Variants in UNC5D observed in about 807,000 individuals in gnomAD.
The protein encoded by UNC5D is unc-5 netrin receptor D.
UNC5D carries 39 observed loss-of-function variants against 105.4 expected under a neutral mutation model. That is an observed-to-expected ratio of 0.37 (90% CI 0.29 to 0.48). The LOEUF (loss-of-function observed/expected upper bound fraction) is 0.48. Ranked by LOEUF, UNC5D falls within the 20% of genes least tolerant of loss-of-function variation. UNC5D has a pLI of 0.98. For missense variants in UNC5D, 991 were observed against 1,202.4 expected, an observed-to-expected ratio of 0.82 and a Z score of 2.60; for synonymous variants, 452 against 450.4, an observed-to-expected ratio of 1.00 and a Z score of -0.04.
chr8:35,437,074 A>G (rs1283342181), intron 1 of UNC5D, among the ~76,000 whole-genome samples: 2 of 151,914 alleles, frequency 1.3e-5, no homozygotes, highest in East Asian at 3.9e-4. Context: ...CACTGGGCAT[A>G]AGAAATTTCC....
chr8:35,372,040 C>T (rs1585690960), intron 1 of UNC5D, among the ~76,000 whole-genome samples: 1 of 152,142 alleles, frequency 6.6e-6, no homozygotes, highest in Non-Finnish European at 1.5e-5. Flanking sequence ...CTGTACTTTT[C>T]CCCCTCACCC....
intron 1 of UNC5D, among the ~76,000 whole-genome samples, chr8:35,335,237 G>C (rs557111558): frequency 1.4e-4 from 21 of 152,138 alleles, no homozygotes; most frequent in Non-Finnish European, 2.5e-4. Flanking sequence ...ATAAAACTAT[G>C]ATTCTTCATG....
chr8:35,471,187 T>C (rs1809695398), intron 1 of UNC5D, among the ~76,000 whole-genome samples: 1 of 152,164 alleles, frequency 6.6e-6, no homozygotes, highest in South Asian at 2.1e-4. Flanking sequence ...TGACAGAAAC[T>C]GTTTAGCCAC....
intron 1 of UNC5D, among the ~76,000 whole-genome samples, chr8:35,313,630 C>CT: frequency 6.6e-6 from 1 of 152,280 alleles, no homozygotes; most frequent in Middle Eastern, 3.4e-3. Flanking sequence ...TCAGTTGTCT[C>CT]TTTTTGTTGC....
At chr8:35,305,597 C>A (rs147765322) in intron 1 of UNC5D, among the ~76,000 whole-genome samples, 65 of 86,782 alleles carry the variant, frequency 7.5e-4, no homozygotes, top group East Asian at 1.3e-3. Flanking sequence ...TTCTTTCTTT[C>A]TTTCTTTCTT....
chr8:35,330,591 C>A (rs1228126545), intron 1 of UNC5D, among the ~76,000 whole-genome samples: 3 of 152,162 alleles, frequency 2.0e-5, no homozygotes, highest in South Asian at 2.1e-4. Context: ...AATCTAGATA[C>A]GTTTTTGCAG....
rs1817112211 is a variant in UNC5D at position 35,563,510 on chromosome 8, T to A, written c.323-4588T>A. ...TATAGAATTTGGTTGTCAGTTCCAA[T>A]GTTTCTTGGTGGACTCTACATTTTT... On this transcript the variant is annotated intron_variant, in intron 2 of 16. Coordinates refer to ENST00000404895, the MANE Select transcript of UNC5D (RefSeq NM_080872.4). 2.0e-5 allele frequency among the ~76,000 whole-genome samples: 3 copies of A among 152,136 alleles called. No homozygotes were observed. In the South Asian group the frequency reaches 6.2e-4, roughly 31 times the overall value.
chr8:35,443,203 C>T (rs1807553784), intron 1 of UNC5D, among the ~76,000 whole-genome samples: 1 of 151,754 alleles, frequency 6.6e-6, no homozygotes, highest in Admixed American at 6.6e-5. Context: ...TGTGCTTTAC[C>T]AAGAAGGATA....
chr8:35,626,070 G>C (rs1350557492), intron 4 of UNC5D, among the ~76,000 whole-genome samples: 4 of 151,942 alleles, frequency 2.6e-5, no homozygotes, highest in African/African-American at 9.7e-5. Context: ...TTTCCCTCTT[G>C]ATGTATGTGT....
chr8:35,554,299 C>A (rs542907112), intron 2 of UNC5D, among the ~76,000 whole-genome samples: 10 of 152,276 alleles, frequency 6.6e-5, no homozygotes, highest in Admixed American at 2.6e-4. Flanking sequence ...TTCTTTCCTG[C>A]AAAAAGTACA....
intron 1 of UNC5D, among the ~76,000 whole-genome samples, chr8:35,342,753 G>T (rs975195772): frequency 2.6e-5 from 4 of 152,062 alleles, no homozygotes; most frequent in African/African-American, 9.7e-5. Context: ...GCTCAGGGGA[G>T]ACACTGTGCT....
rs531789811 is a variant in UNC5D, at chr8:35,463,357, G to T, written c.104-85935G>T. Among the ~76,000 whole-genome samples the T allele has an allele frequency of 2.6e-5, 4 of 152,308 alleles. No homozygotes were observed. In the South Asian group the frequency reaches 8.3e-4, roughly 32 times the overall value. Reference sequence around the variant, plus strand: ...TATGGAAATACGACAGTTTTAAACAGTCTGTTATTGACCACTTTTTCAAAC... The same window carrying T: ...TATGGAAATACGACAGTTTTAAACATTCTGTTATTGACCACTTTTTCAAAC... On this transcript the variant is annotated intron_variant, in intron 1 of 16. Transcript: ENST00000404895.
At chr8:35,336,993 G>C (rs1811093550) in intron 1 of UNC5D, among the ~76,000 whole-genome samples, 1 of 151,938 alleles carries the variant, frequency 6.6e-6, no homozygotes, top group African/African-American at 2.4e-5. Flanking sequence ...ACTATCATTT[G>C]TATTTTTCAT....
intron 7 of UNC5D, among the ~76,000 whole-genome samples, chr8:35,699,672 G>A (rs976669363): frequency 1.3e-5 from 2 of 152,136 alleles, no homozygotes; most frequent in African/African-American, 2.4e-5. Flanking sequence ...CGCTCAGATT[G>A]CATTTTAAAA....
intron 1 of UNC5D, among the ~76,000 whole-genome samples, chr8:35,421,847 T>C (rs935144364): frequency 6.6e-6 from 1 of 152,188 alleles, no homozygotes; most frequent in Non-Finnish European, 1.5e-5. Flanking sequence ...TTAAAAATAG[T>C]GAGAAATAAA....
In UNC5D at chr8:35,726,273, T is replaced by C; in HGVS notation, c.1425T>C (p.Phe475=). Residue 475 remains phenylalanine, a synonymous_variant, in exon 10 of 17, where the codon TTT becomes TTC. Transcript: ENST00000404895. Reference sequence around the variant, plus strand: ...AGCTCATGACAGAGTCCTCACTCTTTAACCCTTTGTCGGACATCAAAGTGA... The same window carrying C: ...AGCTCATGACAGAGTCCTCACTCTTCAACCCTTTGTCGGACATCAAAGTGA... The part of the protein sequence containing the change: ...DKELMTESSL[F]NPLSDIKVKV... 6.2e-7 allele frequency: 1 copy of C among 1,614,134 alleles called. No homozygotes were observed. Among genetic ancestry groups the C allele is most frequent in the Non-Finnish European group, 8.5e-7 (1 of 1,180,002 alleles).
intron 16 of UNC5D, among the ~76,000 whole-genome samples, chr8:35,786,922 A>G (rs1250227333): frequency 6.6e-6 from 1 of 152,024 alleles, no homozygotes; most frequent in Non-Finnish European, 1.5e-5. Context: ...AAATGGTCTG[A>G]AAAAAAATCA....
In UNC5D at chr8:35,258,153, G is replaced by C. The variant is rs751263078; in HGVS notation, c.103+22266G>C. Among the ~76,000 whole-genome samples the C allele has an allele frequency of 2.6e-5, 4 of 152,106 alleles. No individual in the cohort carries two copies. In the South Asian group the frequency reaches 8.3e-4, roughly 32 times the overall value. On this transcript the variant is annotated intron_variant, in intron 1 of 16. Coordinates refer to ENST00000404895, the MANE Select transcript of UNC5D (RefSeq NM_080872.4). ...CAAGATGATGCTTTCTTGCTGCATC[G>C]TCACATGGAGGAAGGGAGGAACAGT...
At chr8:35,334,544 C>T (rs925691926) in intron 1 of UNC5D, among the ~76,000 whole-genome samples, 10 of 148,682 alleles carry the variant, frequency 6.7e-5, no homozygotes, top group African/African-American at 2.5e-4. Context: ...TGGAGTTTTG[C>T]TCTTGTTGCC....
Sources: allele counts gnomAD v4.1 joint callset (sites outside exome capture counted in the v4.1 genomes callset), GRCh38; gene constraint gnomAD v4.1.1; transcripts MANE v1.5; gene names NCBI Gene and HGNC (gene_info 2026-07-23, HGNC 2026-07-21).